Variants in UBE2E3 observed in about 807,000 individuals in gnomAD.
UBE2E3 encodes the protein ubiquitin conjugating enzyme E2 E3.
In UBE2E3, 5 loss-of-function variants were observed where a neutral mutation model predicts 23.6. The observed-to-expected ratio is 0.21, with a 90% confidence interval of 0.11 to 0.44. UBE2E3 has a LOEUF of 0.44. UBE2E3 is among the 20% of genes least tolerant of loss of function. The pLI, the probability that UBE2E3 is intolerant of heterozygous loss-of-function variation, is 0.99. For missense variants in UBE2E3, 81 were observed against 249.8 expected (o/e 0.32, Z 4.55); for synonymous variants, 78 against 87.5 (o/e 0.89, Z 0.60).
At chr2:181,040,125 T>A (rs1338810992) in intron 3 of UBE2E3, among the ~76,000 whole-genome samples, 7 of 152,228 alleles carry the variant, frequency 4.6e-5, no homozygotes, top group Admixed American at 3.3e-4. Flanking sequence ...TCCTTGACAT[T>A]CCTAAAAATT....
chr2:181,034,085 T>G (rs1452257868), intron 3 of UBE2E3, among the ~76,000 whole-genome samples: 2 of 152,212 alleles, frequency 1.3e-5, no homozygotes, highest in Non-Finnish European at 2.9e-5. Flanking sequence ...GGTGGGACTG[T>G]AAACTAGTTC....
intron 3 of UBE2E3, among the ~76,000 whole-genome samples, chr2:180,995,099 A>T (rs1043462648): frequency 6.6e-5 from 10 of 152,150 alleles, no homozygotes; most frequent in African/African-American, 2.4e-4. Flanking sequence ...TAAACAGTTC[A>T]TCACTCCAGT....
chr2:181,044,374 T>G (rs1686608358), intron 3 of UBE2E3, among the ~76,000 whole-genome samples: 1 of 152,164 alleles, frequency 6.6e-6, no homozygotes, highest in South Asian at 2.1e-4. Context: ...TATATATAGT[T>G]TGTATTATCT....
At chr2:180,987,977 A>G (rs1684533891) in intron 3 of UBE2E3, among the ~76,000 whole-genome samples, 2 of 152,158 alleles carry the variant, frequency 1.3e-5, no homozygotes, top group South Asian at 4.1e-4. Context: ...TACTGGAGCA[A>G]GACTGTCTGG....
At chr2:181,001,830 T>C (rs9967879) in intron 3 of UBE2E3, among the ~76,000 whole-genome samples, 2,747 of 152,298 alleles carry the variant, frequency 0.018, 66 homozygotes, top group African/African-American at 0.063. Flanking sequence ...TCTGTTAATA[T>C]ACTGTTTTCA....
rs568807525 is a variant in UBE2E3 at position 181,004,258 on chromosome 2, C to A, written c.245+20165C>A. On this transcript the variant is annotated intron_variant, in intron 3 of 5. Transcript: ENST00000410062. ...ACCAATGGTGCAGTGTGTAGTAGTT[C>A]TAGTTGTAAAACTTGATAACATAAT... 2.9e-4 allele frequency among the ~76,000 whole-genome samples: 44 copies of A among 152,218 alleles called. No homozygotes were observed. In the South Asian group the frequency reaches 3.9e-3, roughly 14 times the overall value.
At chr2:181,048,315 A>C (rs373809867) in intron 3 of UBE2E3, among the ~76,000 whole-genome samples, 12 of 152,290 alleles carry the variant, frequency 7.9e-5, no homozygotes, top group South Asian at 6.2e-4. Flanking sequence ...TCCTAGCCCC[A>C]AATCGTAGAC....
chr2:180,997,222 T>C (rs1684850812), intron 3 of UBE2E3, among the ~76,000 whole-genome samples: 1 of 152,028 alleles, frequency 6.6e-6, no homozygotes, highest in African/African-American at 2.4e-5. Flanking sequence ...TATTATCCAC[T>C]ATCCAGCTTC....
intron 1 of UBE2E3, 133 bp from the exon 2 acceptor site, chr2:180,981,885 A>G: frequency 1.5e-6 from 1 of 666,552 alleles, no homozygotes; most frequent in Non-Finnish European, 2.5e-6. Context: ...CCCCTGTTGT[A>G]CGATGAAATA....
intron 3 of UBE2E3, among the ~76,000 whole-genome samples, chr2:180,985,087 A>G (rs1684415534): frequency 6.6e-6 from 1 of 152,168 alleles, no homozygotes; most frequent in Non-Finnish European, 1.5e-5. Flanking sequence ...ATAATAGGGT[A>G]TAATCCAGTT....
At chr2:181,008,696 A>T (rs1366957236) in intron 3 of UBE2E3, among the ~76,000 whole-genome samples, 1 of 152,170 alleles carries the variant, frequency 6.6e-6, no homozygotes, top group East Asian at 1.9e-4. Flanking sequence ...TCCTTAGTGG[A>T]CTAGTTAAAG....
chr2:181,004,324 CT>C (rs1164178853), intron 3 of UBE2E3, among the ~76,000 whole-genome samples: 2 of 151,940 alleles, frequency 1.3e-5, no homozygotes, highest in African/African-American at 4.8e-5. Context: ...AAAAAATTAC[CT>C]GATTAGCTGT....
intron 3 of UBE2E3, among the ~76,000 whole-genome samples, chr2:181,010,133 A>G (rs554252894): frequency 6.6e-6 from 1 of 152,124 alleles, no homozygotes; most frequent in African/African-American, 2.4e-5. Flanking sequence ...TCCACCACAT[A>G]CTACTACTCC....
chr2:181,033,509 C>T (rs950481994), intron 3 of UBE2E3, among the ~76,000 whole-genome samples: 15 of 152,162 alleles, frequency 9.9e-5, no homozygotes, highest in African/African-American at 3.6e-4. Context: ...CCCTTCCTTA[C>T]ACCTTATACA....
At chr2:181,039,975 A>C (rs987992844) in intron 3 of UBE2E3, among the ~76,000 whole-genome samples, 1 of 152,044 alleles carries the variant, frequency 6.6e-6, no homozygotes, top group Non-Finnish European at 1.5e-5. Flanking sequence ...TTTTTTCTGC[A>C]TATTTTCTGT....
chr2:180,987,501 G>A, intron 3 of UBE2E3: 18 of 1,257,426 alleles, frequency 1.4e-5, no homozygotes, highest in Non-Finnish European at 1.6e-5. Context: ...CTATACTGGA[G>A]ATATTTGGGG....
At chr2:180,999,550 G>A (rs1307798632) in intron 3 of UBE2E3, among the ~76,000 whole-genome samples, 1 of 152,086 alleles carries the variant, frequency 6.6e-6, no homozygotes, top group African/African-American at 2.4e-5. Context: ...TACTTTCCCA[G>A]CGGCGTATGA....
At chr2:180,988,395 C>T (rs964390925) in intron 3 of UBE2E3, among the ~76,000 whole-genome samples, 75 of 152,208 alleles carry the variant, frequency 4.9e-4, no homozygotes, top group African/African-American at 1.7e-3. Context: ...AGCCTAAAAA[C>T]TTCAGGCATA....
At chr2:180,991,149 A>ATTTT (rs35348964) in intron 3 of UBE2E3, among the ~76,000 whole-genome samples, 96 of 150,998 alleles carry the variant, frequency 6.4e-4, no homozygotes, top group Non-Finnish European at 8.4e-4. Context: ...AAAACCTTTG[A>ATTTT]TTTTTTTTTC....
Sources: allele counts gnomAD v4.1 joint callset (sites outside exome capture counted in the v4.1 genomes callset), GRCh38; gene constraint gnomAD v4.1.1; transcripts MANE v1.5; gene names NCBI Gene and HGNC (gene_info 2026-07-23, HGNC 2026-07-21).